CLOCK: variants seen among roughly 807,000 people sequenced by gnomAD.
CLOCK encodes the protein clock circadian regulator, also known as circadian locomoter output cycles protein kaput.
A neutral mutation model predicts 118.4 loss-of-function variants in CLOCK; 43 were observed. That is an observed-to-expected ratio of 0.36 (90% CI 0.28 to 0.47). The LOEUF (loss-of-function observed/expected upper bound fraction) is 0.47. Among genes scored for constraint, CLOCK ranks in the 20% least tolerant of loss-of-function variants. The pLI is 1.00. For missense variants in CLOCK, 846 were observed against 999.9 expected (o/e 0.85, Z 2.08); for synonymous variants, 326 against 339.2 (o/e 0.96, Z 0.43).
At position 55,482,720 on chromosome 4, in the gene CLOCK, T is replaced by G. The variant is rs747835021; in HGVS notation, c.47+19A>C. 4 of 1,555,782 alleles carry G rather than the reference T, an allele frequency of 2.6e-6. No individual in the cohort carries two copies. The East Asian group carries it at 6.8e-5, about 27-fold the overall frequency. On this transcript the variant is annotated intron_variant, in intron 4 of 22. Transcript: ENST00000513440. Reference sequence around the variant, plus strand: ...TAAAATAATTATATATAACTTAAAATAAGTCTTCAAAAACATACCTGTCAA... The same window carrying G: ...TAAAATAATTATATATAACTTAAAAGAAGTCTTCAAAAACATACCTGTCAA...
At chr4:55,525,781 T>A (rs4865005) in intron 1 of CLOCK, among the ~76,000 whole-genome samples, 51,357 of 151,750 alleles carry the variant, frequency 0.34, 9,380 homozygotes, top group East Asian at 0.58. Flanking sequence ...AATAAAAAAA[T>A]TTTTTAAAGT....
chr4:55,464,238 C>G (rs1377065923), intron 8 of CLOCK, among the ~76,000 whole-genome samples: 1 of 152,124 alleles, frequency 6.6e-6, no homozygotes, highest in Non-Finnish European at 1.5e-5. Flanking sequence ...TCCAATGTGT[C>G]CTTTATTTCA....
chr4:55,482,551 T>C (rs1727003372), intron 4 of CLOCK, among the ~76,000 whole-genome samples, 188 bp downstream of exon 4: 1 of 152,194 alleles, frequency 6.6e-6, no homozygotes, highest in Non-Finnish European at 1.5e-5. Flanking sequence ...CTGCTGACTT[T>C]GCCTCTGGAA....
chr4:55,487,959 G>A (rs1727406197), intron 3 of CLOCK, among the ~76,000 whole-genome samples: 1 of 152,088 alleles, frequency 6.6e-6, no homozygotes, highest in Non-Finnish European at 1.5e-5. Context: ...GAGGTTTCAA[G>A]AGAAAATAAA....
At chr4:55,443,475 C>CA (rs36064611) in intron 20 of CLOCK, among the ~76,000 whole-genome samples, 30,038 of 119,710 alleles carry the variant, frequency 0.25, 3,579 homozygotes, top group South Asian at 0.38. Flanking sequence ...AACTCCGTCT[C>CA]AAAAAAAAAA....
At chr4:55,542,904 A>C (rs1215915524) in intron 1 of CLOCK, among the ~76,000 whole-genome samples, 1 of 152,034 alleles carries the variant, frequency 6.6e-6, no homozygotes, top group East Asian at 1.9e-4. Flanking sequence ...AAACCCTAAA[A>C]CTTGGACTCT....
At chr4:55,515,248 G>A (rs1037472757) in intron 1 of CLOCK, among the ~76,000 whole-genome samples, 12 of 152,038 alleles carry the variant, frequency 7.9e-5, no homozygotes, top group Non-Finnish European at 1.8e-4. Flanking sequence ...TCTTCTATTA[G>A]TAATATTAGC....
At chr4:55,461,882 A>G (rs1290668616) in intron 9 of CLOCK, among the ~76,000 whole-genome samples, 1 of 152,180 alleles carries the variant, frequency 6.6e-6, no homozygotes, top group Non-Finnish European at 1.5e-5. Context: ...AATAAAACTC[A>G]AATTCCTTAG....
chr4:55,507,237 C>A (rs62305269), intron 2 of CLOCK, among the ~76,000 whole-genome samples: 24,327 of 152,002 alleles, frequency 0.16, 2,504 homozygotes, highest in Non-Finnish European at 0.21. Context: ...ATCGCTTGAG[C>A]CTGGGAGATG....
intron 1 of CLOCK, among the ~76,000 whole-genome samples, chr4:55,523,686 G>C (rs1244822484): frequency 6.6e-6 from 1 of 152,074 alleles, no homozygotes; most frequent in East Asian, 1.9e-4. Context: ...TACCTCTCCA[G>C]ATACATCTCC....
chr4:55,462,502 C>G (rs1725415896), intron 9 of CLOCK, among the ~76,000 whole-genome samples: 1 of 152,194 alleles, frequency 6.6e-6, no homozygotes, highest in Non-Finnish European at 1.5e-5. Flanking sequence ...TGGTCTCAAA[C>G]TCGTAGCCTC....
At chr4:55,521,937 C>T (rs1040140455) in intron 1 of CLOCK, among the ~76,000 whole-genome samples, 1 of 152,046 alleles carries the variant, frequency 6.6e-6, no homozygotes, top group South Asian at 2.1e-4. Context: ...AATAATCAAG[C>T]CTTATAATAT....
intron 1 of CLOCK, among the ~76,000 whole-genome samples, chr4:55,546,255 G>A (rs890827288): frequency 5.3e-5 from 8 of 152,090 alleles, no homozygotes; most frequent in African/African-American, 1.4e-4. Context: ...CCCTCAAGCC[G>A]CCCGGCCCCG....
At chr4:55,495,166 C>G (rs1481107277) in intron 2 of CLOCK, among the ~76,000 whole-genome samples, 1 of 152,066 alleles carries the variant, frequency 6.6e-6, no homozygotes, top group Non-Finnish European at 1.5e-5. Flanking sequence ...TCCCTATATA[C>G]TTTCATCCCT....
chr4:55,492,598 A>G (rs186818486), intron 2 of CLOCK, among the ~76,000 whole-genome samples: 27 of 152,306 alleles, frequency 1.8e-4, no homozygotes, highest in African/African-American at 6.0e-4. Context: ...TAATCCTAGC[A>G]CTTTGGGAGG....
chr4:55,431,267 T>C lies in CLOCK; in HGVS notation c.*4148A>G, dbSNP rs1722482773. 1 of 152,146 alleles carries C rather than the reference T, an allele frequency of 6.6e-6. No individual in the cohort carries two copies. The highest frequency in any genetic ancestry group is 1.5e-5 in the Non-Finnish European group (1 of 68,028). 9.4% of individuals were successfully genotyped at this position (152,146 alleles called of 1,614,324 possible). A position where few individuals can be genotyped will look rare whatever the true frequency, so the allele number is the denominator to read the frequency against. ...TTTTGGTAGGCTGACAATAGGCACATTACCCATGCGGATGAGGCTATACTA... is the reference window on the plus strand; with the variant it reads ...TTTTGGTAGGCTGACAATAGGCACACTACCCATGCGGATGAGGCTATACTA... On this transcript the variant is annotated 3_prime_UTR_variant, in exon 23 of 23. Transcript: ENST00000513440.
rs1187942386 is a variant in CLOCK, at chr4:55,462,443, T to C, written c.559+1242A>G. ...CTGGGACTACAGGCATGCACCACCA[T>C]GCTCAGCTAATTTTTGGTAGAGATG... is the stretch of plus-strand genomic sequence containing the variant. On this transcript the variant is annotated intron_variant, in intron 9 of 22. Coordinates refer to ENST00000513440, the MANE Select transcript of CLOCK (RefSeq NM_004898.4). 2.6e-5 allele frequency among the ~76,000 whole-genome samples: 4 copies of C among 152,146 alleles called. No homozygotes were observed. In the South Asian group the frequency reaches 8.3e-4, roughly 31 times the overall value.
At chr4:55,445,753 G>A (rs1723792972) in intron 18 of CLOCK, among the ~76,000 whole-genome samples, 1 of 151,250 alleles carries the variant, frequency 6.6e-6, no homozygotes, top group Admixed American at 6.6e-5. Context: ...ACCACACCTG[G>A]CTAACATAAA....
In CLOCK at chr4:55,545,490, C is replaced by G. The variant is rs533013039; in HGVS notation, c.-290+1292G>C. On this transcript the variant is annotated intron_variant, in intron 1 of 22. Transcript: ENST00000513440. ...GGGATCAGCGTTATAGTCAAATCAA[C>G]GACTGTAAAAGTTTACTTCTTGTGC... The G allele has an allele frequency of 2.0e-5, 3 of 152,208 alleles. No homozygotes were observed. The South Asian group carries it at 6.2e-4, about 32-fold the overall frequency. The allele number at this position is 152,208 out of a possible 1,614,324, so 9.4% of individuals were successfully genotyped here. A position where few individuals can be genotyped will look rare whatever the true frequency, so the allele number is the denominator to read the frequency against.
Sources: allele counts gnomAD v4.1 joint callset (sites outside exome capture counted in the v4.1 genomes callset), GRCh38; gene constraint gnomAD v4.1.1; transcripts MANE v1.5; gene names NCBI Gene and HGNC (gene_info 2026-07-23, HGNC 2026-07-21).